SELENOK: variants seen among roughly 807,000 people sequenced by gnomAD.
SELENOK encodes the protein selenoprotein K.
In SELENOK, 11 loss-of-function variants were observed where a neutral mutation model predicts 17.3. The ratio of observed to expected loss-of-function variants is 0.63; its 90% CI spans 0.40 to 1.05. The LOEUF is 1.05. Among genes scored for constraint, SELENOK ranks in the 50% least tolerant of loss-of-function variants. The probability of loss-of-function intolerance (pLI) is 0.00; values close to 1 mark genes in which losing one functional copy is unlikely to be tolerated. For missense variants in SELENOK, 125 were observed against 113.9 expected, an observed-to-expected ratio of 1.10 and a Z score of -0.44; for synonymous variants, 45 against 35.4, an observed-to-expected ratio of 1.27 and a Z score of -0.97.
Position 53,885,844 on chromosome 3 carries a change from A to G in SELENOK, c.263T>C (p.Met88Thr). The change falls in exon 4 of 5, where the codon ATG becomes ACG. Residue 88 changes from methionine (M) to threonine (T), a missense_variant. Met to Thr is a moderately conservative substitution (Grantham distance 81). Transcript: ENST00000495461. ...NHLRGPSPPP[M>T]AGGUGR is the part of the protein sequence containing the mutation. ...AAGTTACCTTCCTCATCCACCAGCC[A>G]TTGGAGGGGGACTAGGGCCACGCAG... 1 of 1,592,336 alleles carries G rather than the reference A, an allele frequency of 6.3e-7. No individual in the cohort carries two copies. The highest frequency in any genetic ancestry group is 8.6e-7 in the Non-Finnish European group (1 of 1,168,448).
chr3:53,887,315 A>G (rs1206319521), intron 2 of SELENOK, among the ~76,000 whole-genome samples: 1 of 152,238 alleles, frequency 6.6e-6, no homozygotes. Flanking sequence ...GGTGTGGCAA[A>G]GGCACAGGGC....
chr3:53,891,726 T>C, intron 1 of SELENOK, 44 bp downstream of exon 1: 3 of 1,612,584 alleles, frequency 1.9e-6, no homozygotes, highest in Non-Finnish European at 2.5e-6. Flanking sequence ...TGGAGTCCGA[T>C]CTTACAAGTC....
Position 53,885,779 on chromosome 3 carries a change from T to C in SELENOK, c.281+47A>G, listed in dbSNP as rs753811635. 4 of 1,439,912 alleles carry C rather than the reference T, an allele frequency of 2.8e-6. No individual in the cohort carries two copies. The African/African-American group carries it at 5.6e-5, about 20-fold the overall frequency. The allele number at this position is 1,439,912 out of a possible 1,614,324, so 89.2% of individuals were successfully genotyped here. A position where few individuals can be genotyped will look rare whatever the true frequency, so the allele number is the denominator to read the frequency against. ...CTTAAAGAAAACATTACTACAGAAG[T>C]GTTTTCAAAACAAAATCCTACAAAA... On this transcript the variant is annotated intron_variant, in intron 4 of 4. Coordinates refer to ENST00000495461, the MANE Select transcript of SELENOK (RefSeq NM_021237.5).
chr3:53,884,937 T>C lies in SELENOK; in HGVS notation c.*621A>G, dbSNP rs142618118. Reference sequence around the variant, plus strand: ...AGCCACCGCGCCAGGCTGAAGTCCATGATTTTAAAAACTATTTAGTAAATT... The same window carrying C: ...AGCCACCGCGCCAGGCTGAAGTCCACGATTTTAAAAACTATTTAGTAAATT... On this transcript the variant is annotated 3_prime_UTR_variant, in exon 5 of 5. Transcript: ENST00000495461. 1 of 152,374 alleles carries C rather than the reference T, an allele frequency of 6.6e-6. No homozygotes were observed. Among genetic ancestry groups the C allele is most frequent in the East Asian group, 1.9e-4 (1 of 5,188 alleles). The allele number at this position is 152,374 out of a possible 1,614,324, so 9.4% of individuals were successfully genotyped here. A position where few individuals can be genotyped will look rare whatever the true frequency, so the allele number is the denominator to read the frequency against.
At chr3:53,885,967 T>C in intron 3 of SELENOK, 55 bp from the exon 4 acceptor site, 1 of 1,227,524 alleles carries the variant, frequency 8.1e-7, no homozygotes, top group African/African-American at 1.5e-5. Context: ...TTGAATTGTC[T>C]CCTTTTAAAA....
At chr3:53,889,928 G>C (rs1649588211) in intron 1 of SELENOK, among the ~76,000 whole-genome samples, 3 of 152,132 alleles carry the variant, frequency 2.0e-5, no homozygotes, top group Admixed American at 2.0e-4. Context: ...TTTAATAGAA[G>C]CTACAACATA....
intron 1 of SELENOK, chr3:53,890,880 C>G (rs983551223): frequency 5.9e-5 from 9 of 152,232 alleles, no homozygotes; most frequent in African/African-American, 2.2e-4. Context: ...AGACCTAGTT[C>G]CAATGATCCA....
chr3:53,889,663 T>TA (rs1295864583), intron 1 of SELENOK, among the ~76,000 whole-genome samples: 4 of 152,252 alleles, frequency 2.6e-5, no homozygotes, highest in Non-Finnish European at 4.4e-5. Context: ...TCCATATTCC[T>TA]AAACATGCTG....
chr3:53,889,056 A>C (rs1021370875), intron 1 of SELENOK, among the ~76,000 whole-genome samples: 3 of 152,070 alleles, frequency 2.0e-5, no homozygotes, highest in African/African-American at 7.2e-5. Flanking sequence ...GAAAAAAAAA[A>C]CAAAAAACAA....
At chr3:53,885,767 T>TG in intron 4 of SELENOK, 59 bp downstream of exon 4, 1 of 1,365,588 alleles carries the variant, frequency 7.3e-7, no homozygotes, top group Admixed American at 2.0e-5. Flanking sequence ...AAAGAAAACA[T>TG]TACTACAGAA....
chr3:53,886,438 G>A (rs1700126990), intron 3 of SELENOK, among the ~76,000 whole-genome samples: 1 of 152,308 alleles, frequency 6.6e-6, no homozygotes, highest in East Asian at 1.9e-4. Flanking sequence ...GTTTCATCAT[G>A]TTGGTCAGGA....
rs1348359971 is a variant in SELENOK, at chr3:53,891,858, T to C, written c.-70A>G. ...TGTCGGTTTCTGTATCTCCCTCTGC[T>C]CCCCGCCCTTCGAGCGTCACAGGCC... On this transcript the variant is annotated 5_prime_UTR_variant, in exon 1 of 5. Coordinates refer to ENST00000495461, the MANE Select transcript of SELENOK (RefSeq NM_021237.5). 1.9e-6 allele frequency: 3 copies of C among 1,545,914 alleles called. No homozygotes were observed. In the Admixed American group the frequency reaches 5.0e-5, roughly 26 times the overall value.
In SELENOK at chr3:53,886,931, G is replaced by C; in HGVS notation, c.114C>G (p.Phe38Leu). Residue 38 changes from phenylalanine (F) to leucine (L), a missense_variant, in exon 3 of 5, where the codon TTC becomes TTG. By Grantham distance (22) the Phe-to-Leu change is conservative. Transcript: ENST00000495461. Reference sequence around the variant, plus strand: ...TCACATCTTGCTGAAGCAGAGTTTTGAAACTGAAACAAGGGGCAGAAAACA... The same window carrying C: ...TCACATCTTGCTGAAGCAGAGTTTTCAAACTGAAACAAGGGGCAGAAAACA... ...WGIAEFVVLF[F>L]KTLLQQDVKK... 1.3e-6 allele frequency: 2 copies of C among 1,554,196 alleles called. No individual in the cohort carries two copies. Among genetic ancestry groups the C allele is most frequent in the South Asian group, 1.2e-5 (1 of 81,990 alleles).
chr3:53,889,090 CA>C (rs1700148882), intron 1 of SELENOK, among the ~76,000 whole-genome samples: 1 of 151,682 alleles, frequency 6.6e-6, no homozygotes, highest in Non-Finnish European at 1.5e-5. Context: ...ATATATAAAA[CA>C]AAAATTTATC....
At chr3:53,886,470 G>A (rs905750845) in intron 3 of SELENOK, among the ~76,000 whole-genome samples, 3 of 152,092 alleles carry the variant, frequency 2.0e-5, no homozygotes, top group African/African-American at 2.4e-5. Context: ...TCTTGACCTC[G>A]TGATCCACCC....
At chr3:53,889,320 G>A (rs370012091) in intron 1 of SELENOK, among the ~76,000 whole-genome samples, 35 of 152,110 alleles carry the variant, frequency 2.3e-4, no homozygotes, top group African/African-American at 7.7e-4. Context: ...TTTCTGTCCC[G>A]ACAAATTTGA....
At chr3:53,887,767 T>C (rs532815077) in intron 2 of SELENOK, among the ~76,000 whole-genome samples, 3 of 152,336 alleles carry the variant, frequency 2.0e-5, no homozygotes, top group South Asian at 4.1e-4. Flanking sequence ...CCCACATCTT[T>C]GCATCCCTAC....
chr3:53,890,836 C>A (rs1700162276), intron 1 of SELENOK: 1 of 152,232 alleles, frequency 6.6e-6, no homozygotes, highest in Non-Finnish European at 1.5e-5. Flanking sequence ...CCTTACTCGT[C>A]TCTGGAGAAA....
At chr3:53,889,183 T>C (rs916088960) in intron 1 of SELENOK, among the ~76,000 whole-genome samples, 4 of 152,234 alleles carry the variant, frequency 2.6e-5, no homozygotes, top group Admixed American at 2.6e-4. Flanking sequence ...ACATTCTACA[T>C]TGATGCACAA....
Sources: gnomAD v4.1 joint callset for allele counts (sites outside exome capture counted in the v4.1 genomes callset) on GRCh38, gnomAD v4.1.1 for gene constraint, MANE v1.5 for transcripts, NCBI Gene and HGNC (gene_info 2026-07-23, HGNC 2026-07-21) for gene names.